The following CR1L variants were observed in gnomAD, a reference collection of about 807,000 sequenced individuals.
CR1L encodes the protein complement component receptor 1-like protein.
Under a neutral mutation model 62.3 loss-of-function variants are expected in CR1L, and 59 were observed. The observed-to-expected ratio is 0.95, with a 90% CI of 0.77 to 1.18. The LOEUF (loss-of-function observed/expected upper bound fraction) is 1.18. Ranked by LOEUF, CR1L falls within the 50% of genes most tolerant of loss-of-function variation. The pLI is 0.00. For synonymous variants in CR1L, 279 were observed against 248.7 expected, an observed-to-expected ratio of 1.12 and a Z score of -1.15; for missense variants, 700 against 702.8, an observed-to-expected ratio of 1.00 and a Z score of 0.04.
At chr1:207,708,122 G>T in intron 9 of CR1L, 56 bp from the exon 10 acceptor site, 2 of 1,580,236 alleles carry the variant, frequency 1.3e-6, no homozygotes, top group Non-Finnish European at 1.7e-6. Flanking sequence ...TATGCATGCT[G>T]TCAGGAAGTT....
chr1:207,670,068 G>A (rs1482114279), intron 1 of CR1L, among the ~76,000 whole-genome samples: 1 of 151,052 alleles, frequency 6.6e-6, no homozygotes, highest in East Asian at 1.9e-4. Flanking sequence ...CATAAAGCCT[G>A]TCGAGTATCT....
intron 8 of CR1L, 54 bp from the exon 9 acceptor site, chr1:207,701,465 C>G (rs1397383412): frequency 3.7e-6 from 6 of 1,603,694 alleles, no homozygotes; most frequent in Non-Finnish European, 5.1e-6. Flanking sequence ...ACCTTACGTA[C>G]TGAAGAGAGT....
chr1:207,693,121 G>C (rs1664021413), intron 4 of CR1L, among the ~76,000 whole-genome samples: 1 of 152,068 alleles, frequency 6.6e-6, no homozygotes, highest in South Asian at 2.1e-4. Context: ...TTGTGTCTAG[G>C]TAAGTATTTC....
At chr1:207,708,667 T>C (rs1042845879) in intron 10 of CR1L, among the ~76,000 whole-genome samples, 1 of 152,262 alleles carries the variant, frequency 6.6e-6, no homozygotes, top group African/African-American at 2.4e-5. Flanking sequence ...TTCCTTCTTA[T>C]TCTTTGTCTA....
intron 5 of CR1L, among the ~76,000 whole-genome samples, chr1:207,694,986 A>T (rs1307524093): frequency 6.6e-6 from 1 of 152,236 alleles, no homozygotes; most frequent in Non-Finnish European, 1.5e-5. Flanking sequence ...CTTATAAGCA[A>T]ATCTATTAAT....
chr1:207,655,845 T>G (rs989899410), intron 1 of CR1L, among the ~76,000 whole-genome samples: 3 of 152,180 alleles, frequency 2.0e-5, no homozygotes, highest in African/African-American at 7.2e-5. Flanking sequence ...ATAGTGGCAT[T>G]GTTCACATTT....
intron 1 of CR1L, chr1:207,652,555 G>A: frequency 5.2e-6 from 8 of 1,534,828 alleles, no homozygotes; most frequent in Non-Finnish European, 7.2e-6. Flanking sequence ...AGATGCCTAT[G>A]AGGAGCCACC....
intron 1 of CR1L, among the ~76,000 whole-genome samples, chr1:207,671,010 G>A (rs1663607679): frequency 6.6e-6 from 1 of 151,254 alleles, no homozygotes; most frequent in East Asian, 1.9e-4. Flanking sequence ...GCATATAGAA[G>A]TAGGTGGTGG....
intron 1 of CR1L, among the ~76,000 whole-genome samples, chr1:207,646,344 T>A (rs549661863): frequency 3.3e-5 from 5 of 152,316 alleles, no homozygotes; most frequent in Non-Finnish European, 7.4e-5. Context: ...TGTTTTCCCC[T>A]ACAGCTCATA....
intron 1 of CR1L, among the ~76,000 whole-genome samples, chr1:207,660,492 C>A (rs577893885): frequency 1.3e-5 from 2 of 152,192 alleles, no homozygotes; most frequent in Non-Finnish European, 2.9e-5. Context: ...GTGGTGATAT[C>A]CCCTTTATCA....
intron 10 of CR1L, among the ~76,000 whole-genome samples, chr1:207,711,775 C>G (rs191792739): frequency 1.6e-4 from 24 of 152,036 alleles, no homozygotes; most frequent in Non-Finnish European, 4.4e-5. Flanking sequence ...AGTGAGGTGG[C>G]TCGCACCTGA....
chr1:207,706,051 C>G (rs1664263102), intron 9 of CR1L, among the ~76,000 whole-genome samples: 1 of 126,466 alleles, frequency 7.9e-6, no homozygotes, highest in Non-Finnish European at 1.9e-5. Flanking sequence ...ATATAAAACA[C>G]TGAATATTGC....
At chr1:207,712,662 T>C (rs1278100509) in intron 10 of CR1L, among the ~76,000 whole-genome samples, 1 of 152,224 alleles carries the variant, frequency 6.6e-6, no homozygotes, top group Middle Eastern at 3.2e-3. Context: ...CTGCACTGCA[T>C]GCCCCAGGGA....
At position 207,669,646 on chromosome 1, in the gene CR1L, G is replaced by A. The variant is rs1253279245; in HGVS notation, c.98-7743G>A. 7 of 883,662 alleles carry A rather than the reference G, an allele frequency of 7.9e-6. 1 individual carries two copies. The Admixed American group carries it at 1.0e-4, about 13-fold the overall frequency. 54.7% of individuals were successfully genotyped at this position (883,662 alleles called of 1,614,324 possible). A position where few individuals can be genotyped will look rare whatever the true frequency, so the allele number is the denominator to read the frequency against. ...CGCAGAGAACTCGCGTGCCGCGCTG[G>A]GCTGCGCTGCTCTGCGCGCCCGGGT... is the stretch of plus-strand genomic sequence containing the variant. On this transcript the variant is annotated intron_variant, in intron 1 of 11. Coordinates refer to ENST00000508064, the MANE Select transcript of CR1L (RefSeq NM_175710.2).
chr1:207,722,895 T>C (rs949413914), intron 11 of CR1L, among the ~76,000 whole-genome samples: 1 of 152,144 alleles, frequency 6.6e-6, no homozygotes, highest in African/African-American at 2.4e-5. Context: ...AAGGGTTTCA[T>C]GAGAAAGAAA....
chr1:207,661,700 G>T (rs1487607883), intron 1 of CR1L, among the ~76,000 whole-genome samples: 2 of 152,118 alleles, frequency 1.3e-5, no homozygotes, highest in Non-Finnish European at 2.9e-5. Flanking sequence ...GATGTTAGCT[G>T]GTTATTTTGC....
At chr1:207,676,876 G>A (rs538491909) in intron 1 of CR1L, among the ~76,000 whole-genome samples, 2 of 152,046 alleles carry the variant, frequency 1.3e-5, no homozygotes, top group African/African-American at 4.8e-5. Flanking sequence ...AACTGGTCTC[G>A]AACTCCTGAC....
rs746252723 is a variant in CR1L at position 207,683,882 on chromosome 1, A to G, written c.388A>G (p.Ile130Val). 8.9e-5 allele frequency: 144 copies of G among 1,613,298 alleles called. No individual in the cohort carries two copies. The highest frequency in any genetic ancestry group is 1.2e-4 in the Non-Finnish European group (138 of 1,179,568). The change falls in exon 4 of 12, where the codon ATT becomes GTT. Residue 130 changes from isoleucine to valine, a missense_variant. Transcript: ENST00000508064. ...ATTTTTTGCCTCTAGATACCGACTC[A>G]TTGGTTCCTCGTCTGCCACATGCAT... ...KYSCPKGYRL[I>V]GSSSATCIIS...
chr1:207,678,194 G>C lies in CR1L; in HGVS notation c.278-4G>C, dbSNP rs1480006667. ...GGCTTCAAATTTCTGTTTCTTTCCT[G>C]TAGGTAAATCATGTCGTAATCCTCC... On this transcript the variant is annotated splice_polypyrimidine_tract_variant and splice_region_variant and intron_variant, in intron 2 of 11. Coordinates refer to ENST00000508064, the MANE Select transcript of CR1L (RefSeq NM_175710.2). 3 of 1,613,178 alleles carry C rather than the reference G, an allele frequency of 1.9e-6. No homozygotes were observed. In the African/African-American group the frequency reaches 4.0e-5, roughly 22 times the overall value.
Sources: allele counts gnomAD v4.1 joint callset (sites outside exome capture counted in the v4.1 genomes callset), GRCh38; gene constraint gnomAD v4.1.1; transcripts MANE v1.5; gene names NCBI Gene and HGNC (gene_info 2026-07-23, HGNC 2026-07-21).